Variants in SH3PXD2B observed in about 807,000 individuals in gnomAD.
The protein encoded by SH3PXD2B is SH3 and PX domains 2B, also known as SH3 and PX domain-containing protein 2B.
Under a neutral mutation model 73.1 loss-of-function variants are expected in SH3PXD2B, and 37 were observed. That is an observed-to-expected ratio of 0.51 (90% CI 0.39 to 0.67). The LOEUF is 0.67. Ranked by LOEUF, SH3PXD2B falls within the 30% of genes least tolerant of loss-of-function variation. The pLI, the probability that SH3PXD2B is intolerant of heterozygous loss-of-function variation, is 0.00. For missense variants in SH3PXD2B, 1,053 were observed against 1,197.8 expected (o/e 0.88, Z 1.78); for synonymous variants, 457 against 480.5 (o/e 0.95, Z 0.64).
At chr5:172,394,938 G>T (rs1758262651) in intron 3 of SH3PXD2B, among the ~76,000 whole-genome samples, 1 of 152,210 alleles carries the variant, frequency 6.6e-6, no homozygotes, top group South Asian at 2.1e-4. Context: ...CCTACCTGAT[G>T]AAGAAAGAAG....
At position 172,334,912 on chromosome 5, in the gene SH3PXD2B, A is replaced by AT; in HGVS notation, c.*3456dup. ...TAGGGCCAAGAACATTGACTTGGAAATTGATTCTATGGCGTGGCCTTGTGG... is the reference window on the plus strand; with the variant it reads ...TAGGGCCAAGAACATTGACTTGGAAATTTGATTCTATGGCGTGGCCTTGTGG... On this transcript the variant is annotated 3_prime_UTR_variant, in exon 13 of 13. Transcript: ENST00000311601. 1.0e-6 allele frequency: 1 copy of AT among 985,444 alleles called. No individual in the cohort carries two copies. Among genetic ancestry groups the AT allele is most frequent in the Non-Finnish European group, 1.2e-6 (1 of 829,936 alleles). The allele number at this position is 985,444 out of a possible 1,614,324, so 61.0% of individuals were successfully genotyped here. A position where few individuals can be genotyped will look rare whatever the true frequency, so the allele number is the denominator to read the frequency against.
chr5:172,352,222 A>C (rs932411714), intron 9 of SH3PXD2B, among the ~76,000 whole-genome samples: 5 of 152,182 alleles, frequency 3.3e-5, no homozygotes, highest in African/African-American at 1.2e-4. Flanking sequence ...TAAAAAGTTT[A>C]AAAAAACTAA....
intron 11 of SH3PXD2B, 29 bp from the exon 12 acceptor site, chr5:172,346,290 C>T (rs1756997604): frequency 6.2e-7 from 1 of 1,612,896 alleles, no homozygotes; most frequent in Non-Finnish European, 8.5e-7. Flanking sequence ...GGGTTATCTC[C>T]AAGGCTAAGT....
At chr5:172,436,873 T>C (rs1759400456) in intron 1 of SH3PXD2B, among the ~76,000 whole-genome samples, 1 of 152,076 alleles carries the variant, frequency 6.6e-6, no homozygotes, top group Non-Finnish European at 1.5e-5. Flanking sequence ...AAGATCCAGG[T>C]GAATTCATTT....
chr5:172,410,213 C>T (rs910795365), intron 2 of SH3PXD2B, among the ~76,000 whole-genome samples: 1 of 152,216 alleles, frequency 6.6e-6, no homozygotes, highest in Non-Finnish European at 1.5e-5. Context: ...TTTTGAGGAA[C>T]CTCTACATTG....
intron 3 of SH3PXD2B, among the ~76,000 whole-genome samples, chr5:172,402,737 G>A (rs1010766030): frequency 2.6e-5 from 4 of 152,220 alleles, no homozygotes; most frequent in Non-Finnish European, 2.9e-5. Context: ...TCTGTGAAAT[G>A]GGACAGCAGC....
downstream of SH3PXD2B, among the ~76,000 whole-genome samples, chr5:172,329,319 A>G (rs1351124153): frequency 1.3e-5 from 2 of 150,744 alleles, no homozygotes; most frequent in Non-Finnish European, 3.0e-5. Context: ...TCTCACCTCA[A>G]GTGATCCGAT....
At position 172,425,630 on chromosome 5, in the gene SH3PXD2B, G is replaced by C. The variant is rs115705326; in HGVS notation, c.76-3134C>G. Among the ~76,000 whole-genome samples, 524 of 152,246 alleles carry C rather than the reference G, an allele frequency of 3.4e-3. 4 individuals carry two copies. Among genetic ancestry groups the C allele is most frequent in the African/African-American group, 0.012 (500 of 41,538 alleles). ...TGCGGGAGGAAGGGGCTGAGCGGGG[G>C]AGGAGGCAGCAGCTGATGACGAGGG... On this transcript the variant is annotated intron_variant, in intron 1 of 12. Coordinates refer to ENST00000311601, the MANE Select transcript of SH3PXD2B (RefSeq NM_001017995.3).
rs6877301 is a variant in SH3PXD2B, at chr5:172,398,045, C to T, written c.233-3406G>A. 8.5e-3 allele frequency among the ~76,000 whole-genome samples: 1,289 copies of T among 152,328 alleles called. 13 individuals carry two copies. Among genetic ancestry groups the T allele is most frequent in the African/African-American group, 0.022 (925 of 41,566 alleles). ...TCTAAAGAAAAACTGGAGGCTTTAACTCACTTGGTTTCTGAACAGTTACAA... is the reference window on the plus strand; with the variant it reads ...TCTAAAGAAAAACTGGAGGCTTTAATTCACTTGGTTTCTGAACAGTTACAA... On this transcript the variant is annotated intron_variant, in intron 3 of 12. Coordinates refer to ENST00000311601, the MANE Select transcript of SH3PXD2B (RefSeq NM_001017995.3).
chr5:172,366,796 C>A (rs1012170894), intron 6 of SH3PXD2B, among the ~76,000 whole-genome samples: 2 of 151,742 alleles, frequency 1.3e-5, no homozygotes, highest in Non-Finnish European at 2.9e-5. Context: ...CCACACCTGG[C>A]TAATTTTTTT....
At chr5:172,387,139 ATAC>A (rs2113383428) in intron 4 of SH3PXD2B, among the ~76,000 whole-genome samples, 1 of 152,332 alleles carries the variant, frequency 6.6e-6, no homozygotes, top group Non-Finnish European at 1.5e-5. Flanking sequence ...AGCCTGGTAA[ATAC>A]TACTGTTATG....
downstream of SH3PXD2B, among the ~76,000 whole-genome samples, chr5:172,331,040 C>T (rs577557658): frequency 8.7e-5 from 13 of 149,524 alleles, no homozygotes; most frequent in East Asian, 2.1e-3. Context: ...ACTAAAAATA[C>T]AAAAATTAGC....
At chr5:172,362,434 A>T (rs1259880622) in intron 7 of SH3PXD2B, among the ~76,000 whole-genome samples, 2 of 152,206 alleles carry the variant, frequency 1.3e-5, no homozygotes, top group African/African-American at 4.8e-5. Context: ...AACAGAGCAC[A>T]TTTCCAGTGA....
chr5:172,419,928 A>C (rs536694367), intron 2 of SH3PXD2B, among the ~76,000 whole-genome samples: 1 of 152,324 alleles, frequency 6.6e-6, no homozygotes, highest in South Asian at 2.1e-4. Context: ...AAACATGTTT[A>C]CCTAACACTC....
chr5:172,416,446 G>A (rs1211091813), intron 2 of SH3PXD2B, among the ~76,000 whole-genome samples: 1 of 151,530 alleles, frequency 6.6e-6, no homozygotes, highest in Non-Finnish European at 1.5e-5. Context: ...TCCTGCCTCA[G>A]CCTCCTGAGT....
intron 1 of SH3PXD2B, among the ~76,000 whole-genome samples, chr5:172,439,690 G>GCACA (rs1488784600): frequency 0.015 from 1,727 of 113,072 alleles, 14 homozygotes; most frequent in Admixed American, 0.018. Context: ...GCGCACGCGC[G>GCACA]CGCACACACA....
chr5:172,402,674 A>G (rs1303679163), intron 3 of SH3PXD2B, among the ~76,000 whole-genome samples: 1 of 152,118 alleles, frequency 6.6e-6, no homozygotes, highest in Non-Finnish European at 1.5e-5. Flanking sequence ...GGGTTCCCCC[A>G]ATAGGGGGAA....
intron 4 of SH3PXD2B, among the ~76,000 whole-genome samples, chr5:172,383,448 AC>A (rs1757991532): frequency 6.6e-6 from 1 of 152,238 alleles, no homozygotes; most frequent in Non-Finnish European, 1.5e-5. Context: ...GCCAAATACA[AC>A]AGAAGTGCAG....
Position 172,337,660 on chromosome 5 carries a change from G to A in SH3PXD2B, c.*709C>T. On this transcript the variant is annotated 3_prime_UTR_variant, in exon 13 of 13. Coordinates refer to ENST00000311601, the MANE Select transcript of SH3PXD2B (RefSeq NM_001017995.3). ...AGGGACCGGAGCCTGCAGCAGCAAAGCGCAGCATACGCGGGGCTGGAACCA... is the reference window on the plus strand; with the variant it reads ...AGGGACCGGAGCCTGCAGCAGCAAAACGCAGCATACGCGGGGCTGGAACCA... 1 of 986,906 alleles carries A rather than the reference G, an allele frequency of 1.0e-6. No individual in the cohort carries two copies. Among genetic ancestry groups the A allele is most frequent in the Non-Finnish European group, 1.2e-6 (1 of 830,992 alleles). The allele number at this position is 986,906 out of a possible 1,614,324, so 61.1% of individuals were successfully genotyped here. A position where few individuals can be genotyped will look rare whatever the true frequency, so the allele number is the denominator to read the frequency against.
Sources: allele counts gnomAD v4.1 joint callset (sites outside exome capture counted in the v4.1 genomes callset), GRCh38; gene constraint gnomAD v4.1.1; transcripts MANE v1.5; gene names NCBI Gene and HGNC (gene_info 2026-07-23, HGNC 2026-07-21).